Variants in LIN52 observed in about 807,000 individuals in gnomAD.
LIN52 encodes protein lin-52 homolog.
In LIN52, 4 loss-of-function variants were observed where a neutral mutation model predicts 18.5. That is an observed-to-expected ratio of 0.22 (90% CI 0.11 to 0.49). LIN52 has a LOEUF of 0.49. Among genes scored for constraint, LIN52 ranks in the 20% least tolerant of loss-of-function variants. The probability of loss-of-function intolerance (pLI) is 0.97; values close to 1 mark genes in which losing one functional copy is unlikely to be tolerated. For synonymous variants in LIN52, 34 were observed against 45.5 expected, an observed-to-expected ratio of 0.75 and a Z score of 1.02; for missense variants, 102 against 139.5, an observed-to-expected ratio of 0.73 and a Z score of 1.35.
chr14:74,181,264 C>T (rs1330382385), intron 5 of LIN52, among the ~76,000 whole-genome samples: 2 of 151,636 alleles, frequency 1.3e-5, no homozygotes, highest in Non-Finnish European at 2.9e-5. Context: ...GGCAATGTAG[C>T]GAGACCTCAT....
intron 5 of LIN52, among the ~76,000 whole-genome samples, chr14:74,195,093 C>CAGAGG (rs2078903497): frequency 6.6e-6 from 1 of 152,094 alleles, no homozygotes; most frequent in Non-Finnish European, 1.5e-5. Context: ...TTGCAGTGAG[C>CAGAGG]TGAGATTGCA....
At chr14:74,113,790 T>TA (rs908378117) in intron 5 of LIN52, among the ~76,000 whole-genome samples, 3 of 151,668 alleles carry the variant, frequency 2.0e-5, no homozygotes, top group African/African-American at 4.8e-5. Context: ...AAGAAGAAAG[T>TA]AAAAAAAAGA....
Position 74,168,839 on chromosome 14 carries a change from G to A in LIN52, c.284-30083G>A, listed in dbSNP as rs1343215338. Among the ~76,000 whole-genome samples, 4 of 152,214 alleles carry A rather than the reference G, an allele frequency of 2.6e-5. No individual in the cohort carries two copies. The South Asian group carries it at 6.2e-4, about 24-fold the overall frequency. On this transcript the variant is annotated intron_variant, in intron 5 of 5. Coordinates refer to ENST00000555028, the MANE Select transcript of LIN52 (RefSeq NM_001024674.3). ...AAAACTTTGGGAGGCTGAGGCAGTC[G>A]GATCACTTGAGGTCAGGAGTTTGAG...
intron 5 of LIN52, among the ~76,000 whole-genome samples, chr14:74,167,158 C>T (rs1306576732): frequency 7.4e-6 from 1 of 134,400 alleles, no homozygotes; most frequent in Non-Finnish European, 1.6e-5. Flanking sequence ...AACTAATTAT[C>T]AACGTGCAGC....
chr14:74,103,739 T>TG (rs2060877378), intron 5 of LIN52, among the ~76,000 whole-genome samples: 1 of 39,586 alleles, frequency 2.5e-5, no homozygotes, highest in Non-Finnish European at 4.5e-5. Context: ...GCCAGTTTTT[T>TG]TTTTTTTTTT....
chr14:74,150,532 G>A (rs767768431), intron 5 of LIN52, among the ~76,000 whole-genome samples: 5 of 152,180 alleles, frequency 3.3e-5, no homozygotes, highest in African/African-American at 4.8e-5. Context: ...GGGCTATGAT[G>A]ATGGCTGGGA....
chr14:74,139,629 G>A (rs569424001), intron 5 of LIN52, among the ~76,000 whole-genome samples: 5 of 152,160 alleles, frequency 3.3e-5, no homozygotes, highest in Admixed American at 2.0e-4. Flanking sequence ...AGCCACTCAA[G>A]AAATGGTCAG....
intron 5 of LIN52, among the ~76,000 whole-genome samples, chr14:74,136,746 A>G (rs1201214383): frequency 6.6e-6 from 1 of 152,200 alleles, no homozygotes; most frequent in African/African-American, 2.4e-5. Context: ...TTTAATAAAT[A>G]TAGGTGCTGG....
chr14:74,195,010 G>A (rs190437913), intron 5 of LIN52, among the ~76,000 whole-genome samples: 411 of 152,256 alleles, frequency 2.7e-3, no homozygotes, highest in Non-Finnish European at 4.6e-3. Context: ...GCCAAGTGTG[G>A]TGGTGCATGC....
At chr14:74,145,922 TTCA>T (rs1321043725) in intron 5 of LIN52, among the ~76,000 whole-genome samples, 1 of 152,208 alleles carries the variant, frequency 6.6e-6, no homozygotes, top group African/African-American at 2.4e-5. Context: ...TCTTGGGGTT[TTCA>T]GATTGGTATG....
intron 2 of LIN52, among the ~76,000 whole-genome samples, chr14:74,091,889 T>C (rs1470130873): frequency 6.6e-6 from 1 of 152,054 alleles, no homozygotes; most frequent in East Asian, 1.9e-4. Flanking sequence ...GAGAAGAGAT[T>C]GAAGTCCAGT....
At chr14:74,137,372 A>G (rs2061103567) in intron 5 of LIN52, among the ~76,000 whole-genome samples, 1 of 151,674 alleles carries the variant, frequency 6.6e-6, no homozygotes. Context: ...GACCTCCCCA[A>G]TTGTCCCTAA....
At chr14:74,165,272 GA>G (rs1016302847) in intron 5 of LIN52, among the ~76,000 whole-genome samples, 68 of 151,262 alleles carry the variant, frequency 4.5e-4, no homozygotes, top group Non-Finnish European at 6.9e-4. Context: ...TGGGAAGGGG[GA>G]AAAAAAGAGT....
chr14:74,153,182 T>C (rs1595176847), intron 5 of LIN52, among the ~76,000 whole-genome samples: 1 of 152,170 alleles, frequency 6.6e-6, no homozygotes, highest in East Asian at 1.9e-4. Flanking sequence ...GCAGATTGTT[T>C]CTTGAAGATT....
At position 74,181,797 on chromosome 14, in the gene LIN52, G is replaced by A. The variant is rs115835225; in HGVS notation, c.284-17125G>A. 2.7e-3 allele frequency among the ~76,000 whole-genome samples: 416 copies of A among 152,042 alleles called. 4 individuals are homozygous for A. Among genetic ancestry groups the A allele is most frequent in the African/African-American group, 9.8e-3 (407 of 41,454 alleles). On this transcript the variant is annotated intron_variant, in intron 5 of 5. Transcript: ENST00000555028. ...CTGAAAAAACAGAAAGTTTACTAGC[G>A]GTTATTTCTAATCACAGGGAAAATA...
intron 1 of LIN52, among the ~76,000 whole-genome samples, chr14:74,086,445 G>T (rs994485699): frequency 6.6e-6 from 1 of 151,984 alleles, no homozygotes; most frequent in East Asian, 1.9e-4. Flanking sequence ...CTGAGCTCAG[G>T]AATTGAAGAC....
At chr14:74,188,965 T>G (rs2139593118) in intron 5 of LIN52, among the ~76,000 whole-genome samples, 1 of 152,326 alleles carries the variant, frequency 6.6e-6, no homozygotes, top group Middle Eastern at 3.4e-3. Flanking sequence ...CGTTAGCTGT[T>G]GCCAGCTGCC....
chr14:74,193,876 A>G (rs1162896303), intron 5 of LIN52, among the ~76,000 whole-genome samples: 1 of 152,236 alleles, frequency 6.6e-6, no homozygotes, highest in Non-Finnish European at 1.5e-5. Context: ...TCTTCTGAAT[A>G]TGAGAAACCC....
At chr14:74,137,802 A>C (rs921331559) in intron 5 of LIN52, among the ~76,000 whole-genome samples, 1 of 152,066 alleles carries the variant, frequency 6.6e-6, no homozygotes, top group Non-Finnish European at 1.5e-5. Context: ...CTGGCCTCAC[A>C]GTAGCTCTTT....
Sources: allele counts gnomAD v4.1 joint callset (sites outside exome capture counted in the v4.1 genomes callset), GRCh38; gene constraint gnomAD v4.1.1; transcripts MANE v1.5; gene names NCBI Gene and HGNC (gene_info 2026-07-23, HGNC 2026-07-21).